The following FER1L5 variants were observed in gnomAD, a reference collection of about 807,000 sequenced individuals.
FER1L5 encodes the protein fer-1-like protein 5.
Under a neutral mutation model 279.9 loss-of-function variants are expected in FER1L5, and 187 were observed. The ratio of observed to expected loss-of-function variants is 0.67; its 90% CI spans 0.59 to 0.75. The LOEUF (loss-of-function observed/expected upper bound fraction) is 0.75, where lower values mean the gene tolerates loss of function less well. Among genes scored for constraint, FER1L5 ranks in the 30% least tolerant of loss-of-function variants. The probability of loss-of-function intolerance (pLI) is 0.00; values close to 1 mark genes in which losing one functional copy is unlikely to be tolerated. For missense variants in FER1L5, 2,091 were observed against 2,594.4 expected, an observed-to-expected ratio of 0.81 and a Z score of 4.21; for synonymous variants, 921 against 989.7, an observed-to-expected ratio of 0.93 and a Z score of 1.30.
Position 96,689,471 on chromosome 2 carries a change from GCCT to G in FER1L5, c.2525+96_2525+98del. On this transcript the variant is annotated intron_variant, in intron 25 of 52. Coordinates refer to ENST00000624922, the MANE Select transcript of FER1L5 (RefSeq NM_001293083.2). The surrounding 1 kb of genome is among the most constrained non-coding windows in gnomAD (Gnocchi z 4.6). ...AGAAAGATGGGTACCTAGCCCCTAA[GCCT>G]GGTGCCAGAGGGCCGAGGTGCACCA... 2.0e-6 allele frequency: 3 copies of G among 1,520,118 alleles called. No individual in the cohort carries two copies. Among genetic ancestry groups the G allele is most frequent in the Non-Finnish European group, 2.7e-6 (3 of 1,129,706 alleles). The allele number at this position is 1,520,118 out of a possible 1,614,324, so 94.2% of individuals were successfully genotyped here.
At chr2:96,653,445 C>A in intron 7 of FER1L5, 195 bp from the exon 8 acceptor site, 1 of 584,040 alleles carries the variant, frequency 1.7e-6, no homozygotes, top group South Asian at 2.1e-5. Flanking sequence ...TGTTGGCACT[C>A]AGAAAGTTTC....
At chr2:96,687,097 A>C (rs2076959491) in intron 23 of FER1L5, among the ~76,000 whole-genome samples, 1 of 151,960 alleles carries the variant, frequency 6.6e-6, no homozygotes, top group Non-Finnish European at 1.5e-5. Flanking sequence ...CCTGCTTCTA[A>C]TCCTCCCTGG....
At chr2:96,684,693 A>C (rs1379338195) in intron 20 of FER1L5, among the ~76,000 whole-genome samples, 1 of 152,186 alleles carries the variant, frequency 6.6e-6, no homozygotes, top group African/African-American at 2.4e-5. Flanking sequence ...TGTGCAGTGC[A>C]ACTAGGGCTA....
intron 24 of FER1L5, among the ~76,000 whole-genome samples, 161 bp downstream of exon 24, chr2:96,688,108 C>G (rs188583616): frequency 2.2e-4 from 33 of 152,162 alleles, no homozygotes; most frequent in African/African-American, 6.5e-4. Context: ...AATTCCTGAC[C>G]GAAACTGAGG....
At chr2:96,653,444 T>G (rs898417383) in intron 7 of FER1L5, 196 bp from the exon 8 acceptor site, 1 of 583,368 alleles carries the variant, frequency 1.7e-6, no homozygotes, top group African/African-American at 1.9e-5. Context: ...ATGTTGGCAC[T>G]CAGAAAGTTT....
intron 4 of FER1L5, among the ~76,000 whole-genome samples, chr2:96,648,572 G>A (rs189732991): frequency 6.6e-6 from 1 of 152,364 alleles, no homozygotes; most frequent in East Asian, 1.9e-4. Flanking sequence ...CAAAAATTAA[G>A]GCAGCTGCCA....
intron 37 of FER1L5, among the ~76,000 whole-genome samples, chr2:96,697,010 C>T (rs1050256839): frequency 1.3e-5 from 2 of 152,198 alleles, no homozygotes; most frequent in African/African-American, 4.8e-5. Flanking sequence ...TCCCAAAGTG[C>T]TGAGGTTACT....
At chr2:96,666,424 AG>A (rs2076129306) in intron 14 of FER1L5, among the ~76,000 whole-genome samples, 1 of 151,496 alleles carries the variant, frequency 6.6e-6, no homozygotes, top group African/African-American at 2.4e-5. Flanking sequence ...CTTACTGACT[AG>A]CTGCTCACCT....
Position 96,646,424 on chromosome 2 carries a change from G to A in FER1L5, c.109G>A (p.Val37Met), listed in dbSNP as rs374710689. ...FRDIKKRTRV[V>M]EGNDPVWNET... The stretch of plus-strand genomic sequence containing the variant: ...AGATATCAAGAAAAGAACTCGTGTG[G>A]TGGAAGGGAATGATCCCGTGTGGAA... Residue 37 changes from valine to methionine, a missense_variant, in exon 2 of 53, where the codon GTG becomes ATG. Physicochemically the swap from Val to Met is conservative, Grantham distance 21. Coordinates refer to ENST00000624922, the MANE Select transcript of FER1L5 (RefSeq NM_001293083.2). 3.2e-6 allele frequency: 5 copies of A among 1,551,776 alleles called. No individual in the cohort carries two copies.
chr2:96,664,555 A>T (rs1357406834), intron 14 of FER1L5, among the ~76,000 whole-genome samples: 1 of 152,180 alleles, frequency 6.6e-6, no homozygotes, highest in Non-Finnish European at 1.5e-5. Flanking sequence ...GTAATATTCC[A>T]TTGTATGGAT....
chr2:96,694,391 G>A lies in FER1L5; in HGVS notation c.3668G>A (p.Ser1223Asn). The change falls in exon 34 of 53, where the codon AGC becomes AAC. Residue 1223 changes from serine to asparagine, a missense_variant. Physicochemically the swap from Ser to Asn is conservative, Grantham distance 46. Transcript: ENST00000624922. The surrounding 1 kb of genome is among the most constrained non-coding windows in gnomAD (Gnocchi z 4.6). ...KLGEKQLPIL[S>N]VPWKNGAYTL... The stretch of plus-strand genomic sequence containing the variant: ...GGAGAGAAGCAGCTGCCTATCTTAA[G>A]CGTTCCCTGGAAGAATGGGGCATAC... The A allele has an allele frequency of 6.4e-7, 1 of 1,550,738 alleles. No individual in the cohort carries two copies. The highest frequency in any genetic ancestry group is 1.2e-5 in the South Asian group (1 of 83,812).
At chr2:96,659,548 G>A (rs950963409) in intron 9 of FER1L5, among the ~76,000 whole-genome samples, 1 of 145,980 alleles carries the variant, frequency 6.9e-6, no homozygotes, top group Non-Finnish European at 1.5e-5. Context: ...CTGGAGAGCA[G>A]TGGCGCAATC....
rs749711118 is a variant in FER1L5 at position 96,702,735 on chromosome 2, C to G, written c.5391C>G (p.Ser1797Arg). ...YLAAERTCVQ[S>R]QKDYIWSLDA... ...CGGCGGAGCGCACGTGTGTCCAGAG[C>G]CAGAAGGTAACAGGCCTGGGGCGTG... The change falls in exon 48 of 53, where the codon AGC becomes AGG. Residue 1797 changes from serine to arginine, a missense_variant. Physicochemically the swap from Ser to Arg is moderately radical, Grantham distance 110. Coordinates refer to ENST00000624922, the MANE Select transcript of FER1L5 (RefSeq NM_001293083.2). This position sits in a 1 kb window ranked among gnomAD's most constrained non-coding sequence, Gnocchi z 4.0. The G allele has an allele frequency of 6.2e-7, 1 of 1,612,892 alleles. No homozygotes were observed. Among genetic ancestry groups the G allele is most frequent in the South Asian group, 1.1e-5 (1 of 90,876 alleles).
intron 8 of FER1L5, chr2:96,654,134 G>A (rs1201915173): frequency 2.0e-5 from 6 of 298,938 alleles, no homozygotes; most frequent in Non-Finnish European, 3.6e-5. Flanking sequence ...TGGGAACAAA[G>A]GCACAGAGGA....
chr2:96,661,543 G>A lies in FER1L5; in HGVS notation c.894+103G>A, dbSNP rs560480415. The A allele has an allele frequency of 5.6e-5, 84 of 1,503,672 alleles. No individual in the cohort carries two copies. In the Admixed American group the frequency reaches 1.0e-3, roughly 19 times the overall value. 93.1% of individuals were successfully genotyped at this position (1,503,672 alleles called of 1,614,324 possible). A position where few individuals can be genotyped will look rare whatever the true frequency, so the allele number is the denominator to read the frequency against. Reference sequence around the variant, plus strand: ...TGACCATCACATCTCTCCTTTGTCCGCTGCGTCACTGCAGGGTTGTCCCAT... The same window carrying A: ...TGACCATCACATCTCTCCTTTGTCCACTGCGTCACTGCAGGGTTGTCCCAT... On this transcript the variant is annotated intron_variant, in intron 11 of 52. Coordinates refer to ENST00000624922, the MANE Select transcript of FER1L5 (RefSeq NM_001293083.2).
intron 24 of FER1L5, among the ~76,000 whole-genome samples, 182 bp downstream of exon 24, chr2:96,688,129 AGTCTGCTGGAGGAGGC>A (rs1052756183): frequency 6.6e-6 from 1 of 152,164 alleles, no homozygotes; most frequent in African/African-American, 2.4e-5. Context: ...GCTAGGAGAT[AGTCTGCTGGAGGAGGC>A]AGAGATTAAA....
At chr2:96,664,226 G>C (rs1310207514) in intron 14 of FER1L5, among the ~76,000 whole-genome samples, 2 of 151,996 alleles carry the variant, frequency 1.3e-5, no homozygotes, top group Non-Finnish European at 2.9e-5. Flanking sequence ...TGTACAATTT[G>C]ATACATTTTA....
At position 96,691,102 on chromosome 2, in the gene FER1L5, C is replaced by T; in HGVS notation, c.2744-88C>T. On this transcript the variant is annotated intron_variant, in intron 27 of 52. Transcript: ENST00000624922. The surrounding 1 kb of genome is among the most constrained non-coding windows in gnomAD (Gnocchi z 6.0). ...AGACCTGGATGTGAGGGAAGTAATG[C>T]CCCTCTAGGGCCTGTCTCCCGGGTT... 7.1e-7 allele frequency: 1 copy of T among 1,416,170 alleles called. No homozygotes were observed. 87.7% of individuals were successfully genotyped at this position (1,416,170 alleles called of 1,614,324 possible). A position where few individuals can be genotyped will look rare whatever the true frequency, so the allele number is the denominator to read the frequency against.
At position 96,698,665 on chromosome 2, in the gene FER1L5, CG is replaced by C. The variant is rs1558928115; in HGVS notation, c.4357-5del. The C allele has an allele frequency of 1.3e-6, 2 of 1,578,964 alleles. No homozygotes were observed. The highest frequency in any genetic ancestry group is 2.3e-5 in the South Asian group (2 of 85,776). On this transcript the variant is annotated splice_region_variant and splice_polypyrimidine_tract_variant and intron_variant, in intron 40 of 52. Coordinates refer to ENST00000624922, the MANE Select transcript of FER1L5 (RefSeq NM_001293083.2). The surrounding 1 kb of genome is among the most constrained non-coding windows in gnomAD (Gnocchi z 5.5). Reference sequence around the variant, plus strand: ...GGCTGGGCCCCCAACACCCTCCCCCCGCCAGGGCCTTTTCCGCATCTACCCC... The same window carrying C: ...GGCTGGGCCCCCAACACCCTCCCCCCCCAGGGCCTTTTCCGCATCTACCCC...
Sources: allele counts gnomAD v4.1 joint callset (sites outside exome capture counted in the v4.1 genomes callset), GRCh38; gene constraint gnomAD v4.1.1; non-coding constraint Gnocchi (gnomAD v3.1); transcripts MANE v1.5; gene names NCBI Gene and HGNC (gene_info 2026-07-23, HGNC 2026-07-21).